The following POU2F1 variants were observed in gnomAD, a reference collection of about 807,000 sequenced individuals.
POU2F1 encodes the protein POU domain, class 2, transcription factor 1.
A neutral mutation model predicts 84.9 loss-of-function variants in POU2F1; 16 were observed. The observed-to-expected ratio is 0.19, with a 90% CI of 0.13 to 0.29. The LOEUF is 0.29. Among genes scored for constraint, POU2F1 ranks in the 10% least tolerant of loss-of-function variants. POU2F1 has a pLI of 1.00. For missense variants in POU2F1, 738 were observed against 942.6 expected (o/e 0.78, Z 2.84); for synonymous variants, 368 against 368.3 (o/e 1.00, Z 0.01).
intron 2 of POU2F1, among the ~76,000 whole-genome samples, chr1:167,349,055 C>T (rs1417861291): frequency 2.0e-5 from 3 of 152,002 alleles, no homozygotes; most frequent in African/African-American, 7.2e-5. Context: ...ACTTTGTAAC[C>T]CTAGGACCTA....
intron 8 of POU2F1, among the ~76,000 whole-genome samples, chr1:167,388,394 T>C (rs1648142661): frequency 1.3e-5 from 2 of 152,300 alleles, no homozygotes. Context: ...AACCATGAAA[T>C]TGTTTATCTA....
intron 1 of POU2F1, among the ~76,000 whole-genome samples, chr1:167,289,607 A>G (rs1571235485): frequency 1.3e-5 from 2 of 152,336 alleles, no homozygotes; most frequent in Non-Finnish European, 1.5e-5. Context: ...CTGAGAGGGT[A>G]TATTAATGTG....
chr1:167,220,968 A>G lies in POU2F1; in HGVS notation c.61+10A>G. The G allele has an allele frequency of 6.5e-7, 1 of 1,534,292 alleles. No homozygotes were observed. Among genetic ancestry groups the G allele is most frequent in the Non-Finnish European group, 8.7e-7 (1 of 1,145,824 alleles). On this transcript the variant is annotated intron_variant, in intron 1 of 15. Coordinates refer to ENST00000367866, the MANE Select transcript of POU2F1 (RefSeq NM_002697.4). ...GCGGCAGCAGCAGCAGGTAATCATTACAGCATTTTACATATTCATATTCAT... is the reference window on the plus strand; with the variant it reads ...GCGGCAGCAGCAGCAGGTAATCATTGCAGCATTTTACATATTCATATTCAT...
rs940865440 is a variant in POU2F1, at chr1:167,224,656, C to G, written c.61+3698C>G. Among the ~76,000 whole-genome samples the G allele has an allele frequency of 5.9e-5, 9 of 151,974 alleles. No homozygotes were observed. In the East Asian group the frequency reaches 1.7e-3, roughly 29 times the overall value. On this transcript the variant is annotated intron_variant, in intron 1 of 15. Transcript: ENST00000367866. ...ATTTTAAGGTGATGATTAAAATTCC[C>G]TGAGAATGTGATAAAATTGCTTTAT...
At chr1:167,273,794 G>T (rs1423745702) in intron 1 of POU2F1, among the ~76,000 whole-genome samples, 1 of 152,252 alleles carries the variant, frequency 6.6e-6, no homozygotes, top group Non-Finnish European at 1.5e-5. Context: ...ACTTGAACTT[G>T]TGGTCTTTCC....
At chr1:167,221,068 C>CGGCGGGGAGATGGGGGG (rs1169506816) in intron 1 of POU2F1, 110 bp downstream of exon 1, 1 of 999,702 alleles carries the variant, frequency 1.0e-6, no homozygotes, top group Admixed American at 2.2e-5. Context: ...TTATAATTAA[C>CGGCGGGGAGATGGGGGG]GGCGGGGAGA....
chr1:167,266,763 A>G (rs1651991259), intron 1 of POU2F1, among the ~76,000 whole-genome samples: 1 of 151,536 alleles, frequency 6.6e-6, no homozygotes, highest in South Asian at 2.1e-4. Flanking sequence ...AGCTGGGATT[A>G]CAGGCACGTG....
chr1:167,258,451 A>G (rs977110162), intron 1 of POU2F1, among the ~76,000 whole-genome samples: 1 of 152,244 alleles, frequency 6.6e-6, no homozygotes. Flanking sequence ...CAAAAAAATT[A>G]TAATTGCATT....
At position 167,418,579 on chromosome 1, in the gene POU2F1, C is replaced by T. The variant is rs1650448956; in HGVS notation, c.*2769C>T. 6.6e-6 allele frequency: 1 copy of T among 152,142 alleles called. No individual in the cohort carries two copies. The highest frequency in any genetic ancestry group is 2.4e-5 in the African/African-American group (1 of 41,428). The allele number at this position is 152,142 out of a possible 1,614,324, so 9.4% of individuals were successfully genotyped here. On this transcript the variant is annotated 3_prime_UTR_variant, in exon 16 of 16. Transcript: ENST00000367866. ...TTATAGCATTAATTTCTCAAAATTG[C>T]TACCAAAGGAAGTGTGGAGTCCCAA...
intron 10 of POU2F1, 70 bp from the exon 11 acceptor site, chr1:167,397,924 A>G: frequency 1.4e-6 from 2 of 1,448,112 alleles, no homozygotes; most frequent in Non-Finnish European, 9.4e-7. Context: ...TTTGTTGTTA[A>G]TATGCATATT....
chr1:167,403,872 A>G lies in POU2F1; in HGVS notation c.1555+2316A>G, dbSNP rs79263379. ...CATGGGAGGTAAAACTTCTAAATAC[A>G]TGTATAACTGAGAAGTATTTATTTT... On this transcript the variant is annotated intron_variant, in intron 13 of 15. Transcript: ENST00000367866. Among the ~76,000 whole-genome samples, 711 of 152,330 alleles carry G rather than the reference A, an allele frequency of 4.7e-3. 6 individuals carry two copies. Among genetic ancestry groups the G allele is most frequent in the African/African-American group, 0.017 (688 of 41,568 alleles).
At chr1:167,283,918 A>G (rs372372206) in intron 1 of POU2F1, among the ~76,000 whole-genome samples, 18 of 152,324 alleles carry the variant, frequency 1.2e-4, no homozygotes, top group African/African-American at 3.6e-4. Context: ...CCTTATCCCT[A>G]CAGTAAACAA....
At chr1:167,288,591 G>A (rs1283585001) in intron 1 of POU2F1, among the ~76,000 whole-genome samples, 2 of 152,192 alleles carry the variant, frequency 1.3e-5, no homozygotes, top group South Asian at 4.1e-4. Context: ...TCAGGAGGCT[G>A]AGGCAGGAGT....
chr1:167,255,122 C>T (rs929425289), intron 1 of POU2F1, among the ~76,000 whole-genome samples: 1 of 152,078 alleles, frequency 6.6e-6, no homozygotes, highest in Non-Finnish European at 1.5e-5. Context: ...CTCTAATGCA[C>T]GTTTGCTTTT....
In POU2F1 at chr1:167,417,908, T is replaced by C. The variant is rs1457379476; in HGVS notation, c.*2098T>C. 1 of 152,234 alleles carries C rather than the reference T, an allele frequency of 6.6e-6. No homozygotes were observed. The highest frequency in any genetic ancestry group is 2.4e-5 in the African/African-American group (1 of 41,462). The allele number at this position is 152,234 out of a possible 1,614,324, so 9.4% of individuals were successfully genotyped here. Reference sequence around the variant, plus strand: ...AAATATTTCTTTTAGTTTATTTCTATCGTGTTTTATTTCACAGATATTTAA... The same window carrying C: ...AAATATTTCTTTTAGTTTATTTCTACCGTGTTTTATTTCACAGATATTTAA... On this transcript the variant is annotated 3_prime_UTR_variant, in exon 16 of 16. Coordinates refer to ENST00000367866, the MANE Select transcript of POU2F1 (RefSeq NM_002697.4).
At chr1:167,399,492 A>G in intron 12 of POU2F1, 127 bp downstream of exon 12, 1 of 861,178 alleles carries the variant, frequency 1.2e-6, no homozygotes, top group Non-Finnish European at 1.8e-6. Context: ...ATGCATGTAA[A>G]TTTGTATTTT....
At chr1:167,277,928 G>A (rs1485534658) in intron 1 of POU2F1, among the ~76,000 whole-genome samples, 2 of 152,116 alleles carry the variant, frequency 1.3e-5, no homozygotes, top group African/African-American at 2.4e-5. Flanking sequence ...CTTAGTCTGA[G>A]TAGGATTATC....
At chr1:167,229,520 G>A (rs2102336363) in intron 1 of POU2F1, among the ~76,000 whole-genome samples, 1 of 152,282 alleles carries the variant, frequency 6.6e-6, no homozygotes, top group East Asian at 1.9e-4. Context: ...TCTGAACGTT[G>A]TAAATTCTAG....
chr1:167,286,402 C>T (rs1653530099), intron 1 of POU2F1, among the ~76,000 whole-genome samples: 1 of 152,182 alleles, frequency 6.6e-6, no homozygotes, highest in Non-Finnish European at 1.5e-5. Context: ...TCCATTCCTA[C>T]TCTCCTGTTT....
Sources: gnomAD v4.1 joint callset for allele counts (sites outside exome capture counted in the v4.1 genomes callset) on GRCh38, gnomAD v4.1.1 for gene constraint, MANE v1.5 for transcripts, NCBI Gene and HGNC (gene_info 2026-07-23, HGNC 2026-07-21) for gene names.